The following LRRFIP1 variants were observed in gnomAD, a reference collection of about 807,000 sequenced individuals.
LRRFIP1 encodes LRR binding FLII interacting protein 1, also known as leucine-rich repeat flightless-interacting protein 1.
Under a neutral mutation model 104.4 loss-of-function variants are expected in LRRFIP1, and 62 were observed. The observed-to-expected ratio is 0.59, with a 90% confidence interval of 0.48 to 0.73. The LOEUF (loss-of-function observed/expected upper bound fraction) is 0.73. LRRFIP1 is among the 30% of genes least tolerant of loss of function. LRRFIP1 has a pLI of 0.00. For synonymous variants in LRRFIP1, 300 were observed against 299.0 expected, an observed-to-expected ratio of 1.00 and a Z score of -0.03; for missense variants, 796 against 824.5, an observed-to-expected ratio of 0.97 and a Z score of 0.42.
intron 7 of LRRFIP1, among the ~76,000 whole-genome samples, chr2:237,723,900 T>TA (rs1415016418): frequency 6.6e-6 from 1 of 152,260 alleles, no homozygotes; most frequent in Non-Finnish European, 1.5e-5. Context: ...ATGAAAAAGA[T>TA]AGTGTCTGCC....
chr2:237,676,277 AATGTACATACTT>A lies in LRRFIP1; in HGVS notation c.97-32266_97-32255del, dbSNP rs2091146825. Among the ~76,000 whole-genome samples the A allele has an allele frequency of 2.5e-4, 38 of 152,314 alleles. No individual in the cohort carries two copies. The South Asian group carries it at 7.5e-3, about 30-fold the overall frequency. On this transcript the variant is annotated intron_variant, in intron 1 of 23. Coordinates refer to ENST00000308482, the MANE Select transcript of LRRFIP1 (RefSeq NM_001137550.2). ...ATAAAAGTTCAAGGTACATAGTTTA[AATGTACATACTT>A]TAATGCAAGCAGTATTGCATGACAC... is the stretch of plus-strand genomic sequence containing the variant.
chr2:237,653,809 G>A (rs1225311532), intron 1 of LRRFIP1, among the ~76,000 whole-genome samples: 1 of 152,106 alleles, frequency 6.6e-6, no homozygotes, highest in African/African-American at 2.4e-5. Flanking sequence ...ACCTGCAGAA[G>A]AATGAAATTA....
At position 237,717,910 on chromosome 2, in the gene LRRFIP1, A is replaced by G. The variant is rs2094401169; in HGVS notation, c.249+101A>G. The G allele has an allele frequency of 1.1e-6, 1 of 905,886 alleles. No individual in the cohort carries two copies. The allele number at this position is 905,886 out of a possible 1,614,324, so 56.1% of individuals were successfully genotyped here. A position where few individuals can be genotyped will look rare whatever the true frequency, so the allele number is the denominator to read the frequency against. ...AATGTAATTCTTACGCAGTTTAACT[A>G]TGTAGATAGATTCCTATTGCACCAT... On this transcript the variant is annotated intron_variant, in intron 4 of 23. Coordinates refer to ENST00000308482, the MANE Select transcript of LRRFIP1 (RefSeq NM_001137550.2). The surrounding 1 kb of genome is among the most constrained non-coding windows in gnomAD (Gnocchi z 4.2).
chr2:237,667,244 G>C (rs955371156), intron 1 of LRRFIP1, among the ~76,000 whole-genome samples: 3 of 152,034 alleles, frequency 2.0e-5, no homozygotes, highest in Non-Finnish European at 2.9e-5. Flanking sequence ...TGCTTTCACT[G>C]TTCACCTCCC....
At chr2:237,775,366 T>G (rs2060991864) in intron 23 of LRRFIP1, among the ~76,000 whole-genome samples, 1 of 151,984 alleles carries the variant, frequency 6.6e-6, no homozygotes, top group African/African-American at 2.4e-5. Context: ...GTCAGAGCGG[T>G]GGAGGCCAAG....
At chr2:237,727,780 G>A (rs1326801335) in intron 7 of LRRFIP1, 96 bp from the exon 8 acceptor site, 1 of 844,162 alleles carries the variant, frequency 1.2e-6, no homozygotes, top group African/African-American at 1.7e-5. Flanking sequence ...CACAAGAAAG[G>A]TCACCTTATA....
In LRRFIP1 at chr2:237,760,977, C is replaced by T. The variant is rs541668236; in HGVS notation, c.1459+772C>T. On this transcript the variant is annotated intron_variant, in intron 19 of 23. Transcript: ENST00000308482. ...AAACCTTCAGATTCTGGCGTGCAGCCTGAAGTTGCAGCGTGCAAGTGAGGC... is the reference window on the plus strand; with the variant it reads ...AAACCTTCAGATTCTGGCGTGCAGCTTGAAGTTGCAGCGTGCAAGTGAGGC... Among the ~76,000 whole-genome samples the T allele has an allele frequency of 3.6e-4, 55 of 152,322 alleles. 1 individual carries two copies. Among genetic ancestry groups the T allele is most frequent in the African/African-American group, 1.1e-3 (46 of 41,570 alleles).
intron 1 of LRRFIP1, among the ~76,000 whole-genome samples, chr2:237,648,224 G>T (rs1265986662): frequency 6.6e-6 from 1 of 151,844 alleles, no homozygotes; most frequent in Non-Finnish European, 1.5e-5. Flanking sequence ...CCTTCCCCTA[G>T]CAGCCAACTC....
chr2:237,695,354 A>G (rs2093104982), intron 1 of LRRFIP1, among the ~76,000 whole-genome samples: 1 of 152,218 alleles, frequency 6.6e-6, no homozygotes, highest in African/African-American at 2.4e-5. Context: ...CAAGTTATTT[A>G]TAGTTGCAGA....
At chr2:237,641,383 G>T (rs184972530) in intron 1 of LRRFIP1, among the ~76,000 whole-genome samples, 137 of 151,914 alleles carry the variant, frequency 9.0e-4, no homozygotes, top group African/African-American at 3.0e-3. Context: ...ATGTTGGCAG[G>T]TGCCTCAGGA....
At chr2:237,664,844 C>A (rs1021062244) in intron 1 of LRRFIP1, among the ~76,000 whole-genome samples, 3 of 152,258 alleles carry the variant, frequency 2.0e-5, no homozygotes, top group African/African-American at 7.2e-5. Flanking sequence ...AGGATGCTGA[C>A]CACTTGTTAA....
At chr2:237,729,950 T>C (rs1039886501) in intron 8 of LRRFIP1, 44 of 455,538 alleles carry the variant, frequency 9.7e-5, no homozygotes, top group African/African-American at 8.5e-4. Flanking sequence ...CGGTGTCTGT[T>C]TGACGGATTT....
intron 2 of LRRFIP1, among the ~76,000 whole-genome samples, chr2:237,712,291 G>T (rs751001037): frequency 2.0e-5 from 3 of 152,110 alleles, no homozygotes; most frequent in Non-Finnish European, 4.4e-5. Context: ...CTCAAAATCA[G>T]TTCTGTACCA....
At chr2:237,652,298 A>G (rs1036972169) in intron 1 of LRRFIP1, among the ~76,000 whole-genome samples, 1 of 152,202 alleles carries the variant, frequency 6.6e-6, no homozygotes, top group African/African-American at 2.4e-5. Context: ...TAAATTTGGG[A>G]GTTGTCAGTG....
intron 1 of LRRFIP1, among the ~76,000 whole-genome samples, chr2:237,670,546 T>C (rs1287507584): frequency 1.3e-5 from 2 of 152,202 alleles, no homozygotes; most frequent in Non-Finnish European, 2.9e-5. Context: ...AGTTTCCACA[T>C]TGGTGCTGTG....
At chr2:237,656,109 A>T (rs2086774387) in intron 1 of LRRFIP1, among the ~76,000 whole-genome samples, 1 of 152,232 alleles carries the variant, frequency 6.6e-6, no homozygotes. Context: ...GGAATTACAT[A>T]TGTAACGTAA....
chr2:237,647,636 C>T (rs1043405818), intron 1 of LRRFIP1, among the ~76,000 whole-genome samples: 4 of 151,878 alleles, frequency 2.6e-5, no homozygotes, highest in Non-Finnish European at 5.9e-5. Context: ...GCCCTGTTGC[C>T]CAGTGGCCGG....
intron 9 of LRRFIP1, among the ~76,000 whole-genome samples, chr2:237,734,347 C>T (rs2095159487): frequency 7.5e-6 from 1 of 133,908 alleles, no homozygotes; most frequent in Admixed American, 8.2e-5. Flanking sequence ...AGGGCACGAT[C>T]TCGGCTCAGT....
At chr2:237,686,903 A>C (rs138951838) in intron 1 of LRRFIP1, among the ~76,000 whole-genome samples, 294 of 152,278 alleles carry the variant, frequency 1.9e-3, no homozygotes, top group Non-Finnish European at 2.8e-3. Flanking sequence ...TTACTGGGAG[A>C]TCCGGCTCCT....
Sources: gnomAD v4.1 joint callset for allele counts (sites outside exome capture counted in the v4.1 genomes callset) on GRCh38, gnomAD v4.1.1 for gene constraint, Gnocchi (gnomAD v3.1) non-coding constraint, MANE v1.5 for transcripts, NCBI Gene and HGNC (gene_info 2026-07-23, HGNC 2026-07-21) for gene names.